Variants in NRG1 observed in about 807,000 individuals in gnomAD.
NRG1 encodes the protein neuregulin 1.
Under a neutral mutation model 63.8 loss-of-function variants are expected in NRG1, and 18 were observed. That is an observed-to-expected ratio of 0.28 (90% CI 0.19 to 0.42). The LOEUF (loss-of-function observed/expected upper bound fraction) is 0.42, where lower values mean the gene tolerates loss of function less well. Ranked by LOEUF, NRG1 falls within the 10% of genes least tolerant of loss-of-function variation. The pLI is 1.00. For synonymous variants in NRG1, 302 were observed against 301.3 expected (o/e 1.00, Z -0.02); for missense variants, 762 against 814.7 (o/e 0.94, Z 0.79).
chr8:31,761,166 A>T (rs1300276916), intron 1 of NRG1, among the ~76,000 whole-genome samples: 1 of 152,120 alleles, frequency 6.6e-6, no homozygotes, highest in African/African-American at 2.4e-5. Context: ...CATGGATGAA[A>T]TTGGAAATCA....
chr8:31,683,589 ACTATTTT>A (rs1808565591), intron 1 of NRG1, among the ~76,000 whole-genome samples: 2 of 152,136 alleles, frequency 1.3e-5, no homozygotes, highest in Non-Finnish European at 2.9e-5. Context: ...GGGCGGTGAA[ACTATTTT>A]TTATGATTCT....
At chr8:31,837,369 T>C (rs1825773835) in intron 1 of NRG1, among the ~76,000 whole-genome samples, 1 of 152,084 alleles carries the variant, frequency 6.6e-6, no homozygotes, top group Non-Finnish European at 1.5e-5. Context: ...TTTTAATTAA[T>C]TTATTTTTAT....
intron 1 of NRG1, among the ~76,000 whole-genome samples, chr8:32,460,839 T>C (rs12542743): frequency 0.51 from 77,879 of 151,896 alleles, 20,311 homozygotes; most frequent in Admixed American, 0.58. Context: ...AAGACTTATC[T>C]AAGAAATAAA....
At chr8:31,860,895 A>G (rs538398305) in intron 1 of NRG1, among the ~76,000 whole-genome samples, 10 of 152,334 alleles carry the variant, frequency 6.6e-5, no homozygotes, top group African/African-American at 2.4e-4. Context: ...GCCCTTAACA[A>G]CAGTGTCGAA....
At chr8:32,637,527 T>C (rs1851562718) in intron 5 of NRG1, among the ~76,000 whole-genome samples, 1 of 152,162 alleles carries the variant, frequency 6.6e-6, no homozygotes, top group Non-Finnish European at 1.5e-5. Context: ...TAAAAGAGGA[T>C]GTAACCTCGG....
intron 1 of NRG1, among the ~76,000 whole-genome samples, chr8:31,718,608 A>G (rs902889069): frequency 1.3e-5 from 2 of 152,204 alleles, no homozygotes; most frequent in African/African-American, 2.4e-5. Flanking sequence ...AAATAATGCC[A>G]CTGGAGAAAT....
chr8:32,366,903 G>T (rs180889459), intron 1 of NRG1, among the ~76,000 whole-genome samples: 3 of 151,392 alleles, frequency 2.0e-5, no homozygotes, highest in Non-Finnish European at 4.4e-5. Flanking sequence ...GTAGAGACAG[G>T]GTTTTGCCAT....
At chr8:31,799,546 ATTTC>A (rs1193538692) in intron 1 of NRG1, among the ~76,000 whole-genome samples, 2 of 152,114 alleles carry the variant, frequency 1.3e-5, no homozygotes, top group Non-Finnish European at 2.9e-5. Context: ...ATGTTGGTAT[ATTTC>A]TTTCAGTTAT....
At chr8:32,479,985 A>G (rs1469995706) in intron 1 of NRG1, among the ~76,000 whole-genome samples, 1 of 152,116 alleles carries the variant, frequency 6.6e-6, no homozygotes, top group Admixed American at 6.6e-5. Flanking sequence ...CCAACTATAT[A>G]TATCTTCTTT....
chr8:32,768,317 A>T (rs540673480), downstream of NRG1, among the ~76,000 whole-genome samples: 3 of 152,332 alleles, frequency 2.0e-5, no homozygotes, highest in South Asian at 6.2e-4. Flanking sequence ...CTTCAGACTA[A>T]TGAAAATGTC....
At chr8:32,624,071 A>G (rs1402067099) in intron 5 of NRG1, among the ~76,000 whole-genome samples, 1 of 152,170 alleles carries the variant, frequency 6.6e-6, no homozygotes, top group Non-Finnish European at 1.5e-5. Flanking sequence ...TATTTATACA[A>G]CTCAGTGGCT....
At chr8:32,460,348 T>C (rs1210162769) in intron 1 of NRG1, among the ~76,000 whole-genome samples, 1 of 152,180 alleles carries the variant, frequency 6.6e-6, no homozygotes, top group Non-Finnish European at 1.5e-5. Flanking sequence ...ACTTAAAAGG[T>C]GCTAGGTCAT....
At chr8:32,059,686 T>C (rs1412449606) in intron 1 of NRG1, among the ~76,000 whole-genome samples, 3 of 152,012 alleles carry the variant, frequency 2.0e-5, no homozygotes, top group Non-Finnish European at 4.4e-5. Flanking sequence ...TTTAGGAGCA[T>C]CTCATTATTT....
chr8:31,639,841 T>C (rs1803558432), intron 1 of NRG1: 5 of 1,133,738 alleles, frequency 4.4e-6, no homozygotes, highest in Non-Finnish European at 5.4e-6. Flanking sequence ...CTCCTACCCC[T>C]GCACCCCCAA....
intron 1 of NRG1, among the ~76,000 whole-genome samples, chr8:32,264,754 G>A (rs867961237): frequency 2.6e-5 from 4 of 151,996 alleles, no homozygotes; most frequent in African/African-American, 9.7e-5. Context: ...AGCTAACTGT[G>A]GCATGAATGA....
At chr8:32,089,647 G>A (rs1828805595) in intron 1 of NRG1, among the ~76,000 whole-genome samples, 1 of 152,142 alleles carries the variant, frequency 6.6e-6, no homozygotes, top group Admixed American at 6.5e-5. Flanking sequence ...TGTGCAATGA[G>A]CAAATGCAAT....
At chr8:32,386,326 A>G (rs748335644) in intron 1 of NRG1, among the ~76,000 whole-genome samples, 36 of 152,192 alleles carry the variant, frequency 2.4e-4, no homozygotes, top group Non-Finnish European at 4.4e-4. Flanking sequence ...AAAGAGGAAA[A>G]CTAAATCAGT....
At chr8:32,135,710 G>C (rs1835418787) in intron 1 of NRG1, among the ~76,000 whole-genome samples, 1 of 151,848 alleles carries the variant, frequency 6.6e-6, no homozygotes, top group Non-Finnish European at 1.5e-5. Flanking sequence ...GCAATTTGTT[G>C]GACAAGTTTT....
chr8:32,435,456 G>A (rs1818671979), intron 1 of NRG1, among the ~76,000 whole-genome samples: 1 of 152,162 alleles, frequency 6.6e-6, no homozygotes, highest in African/African-American at 2.4e-5. Flanking sequence ...CCAGTTGACT[G>A]ACCAAAACAA....
Sources: gnomAD v4.1 joint callset for allele counts (sites outside exome capture counted in the v4.1 genomes callset) on GRCh38, gnomAD v4.1.1 for gene constraint, MANE v1.5 for transcripts, NCBI Gene and HGNC (gene_info 2026-07-23, HGNC 2026-07-21) for gene names.